AP2B1: variants seen among roughly 807,000 people sequenced by gnomAD.
AP2B1 encodes adaptor related protein complex 2 subunit beta 1, also known as AP-2 complex subunit beta.
Under a neutral mutation model 102.0 loss-of-function variants are expected in AP2B1, and 23 were observed. That is an observed-to-expected ratio of 0.23 (90% CI 0.16 to 0.32). AP2B1 has a LOEUF of 0.32. Ranked by LOEUF, AP2B1 falls within the 10% of genes least tolerant of loss-of-function variation. AP2B1 has a pLI of 1.00. For synonymous variants in AP2B1, 381 were observed against 421.2 expected, an observed-to-expected ratio of 0.90 and a Z score of 1.17; for missense variants, 541 against 1,157.4, an observed-to-expected ratio of 0.47 and a Z score of 7.73.
Position 35,699,672 on chromosome 17 carries a change from C to G in AP2B1, c.2455-9552C>G, listed in dbSNP as rs986982741. On this transcript the variant is annotated intron_variant, in intron 18 of 21. Transcript: ENST00000610402. ...CTTTCTGCTATGTTTTTAACTCTATCAGATACTGTCTAATATCATAAATAG... is the reference window on the plus strand; with the variant it reads ...CTTTCTGCTATGTTTTTAACTCTATGAGATACTGTCTAATATCATAAATAG... Among the ~76,000 whole-genome samples, 9 of 152,336 alleles carry G rather than the reference C, an allele frequency of 5.9e-5. No homozygotes were observed. The East Asian group carries it at 1.7e-3, about 29-fold the overall frequency.
intron 5 of AP2B1, among the ~76,000 whole-genome samples, chr17:35,616,495 T>TTTTAAA (rs1567818743): frequency 6.6e-6 from 1 of 152,142 alleles, no homozygotes; most frequent in Non-Finnish European, 1.5e-5. Context: ...AGAGGAACAA[T>TTTTAAA]TTTAAATTTA....
At chr17:35,607,993 G>A (rs1335923010) in intron 4 of AP2B1, 149 bp from the exon 5 acceptor site, 1 of 917,650 alleles carries the variant, frequency 1.1e-6, no homozygotes, top group African/African-American at 1.7e-5. Flanking sequence ...TTGTACTTAG[G>A]AAAGGAATAG....
intron 16 of AP2B1, among the ~76,000 whole-genome samples, 175 bp from the exon 17 acceptor site, chr17:35,674,001 A>G (rs1460699532): frequency 6.6e-6 from 1 of 152,226 alleles, no homozygotes; most frequent in African/African-American, 2.4e-5. Context: ...ATAAGACTCT[A>G]TCCGGAGTCT....
chr17:35,720,409 T>C (rs1598370374), intron 21 of AP2B1, among the ~76,000 whole-genome samples: 2 of 150,354 alleles, frequency 1.3e-5, no homozygotes, highest in South Asian at 4.2e-4. Flanking sequence ...CCAGAAGAAA[T>C]TGAAGAAAAC....
At chr17:35,604,108 T>TTTTTTA (rs1450958669) in intron 3 of AP2B1, among the ~76,000 whole-genome samples, 1 of 152,172 alleles carries the variant, frequency 6.6e-6, no homozygotes, top group Non-Finnish European at 1.5e-5. Context: ...ATTATTGTTA[T>TTTTTTA]TTTTTATTTT....
chr17:35,589,924 C>CTTTTTTT (rs71366465), intron 1 of AP2B1, among the ~76,000 whole-genome samples: 3 of 119,458 alleles, frequency 2.5e-5, no homozygotes, highest in African/African-American at 6.4e-5. Flanking sequence ...TCTGTAACTT[C>CTTTTTTT]TTTTTTTTTT....
intron 18 of AP2B1, among the ~76,000 whole-genome samples, chr17:35,699,971 G>T (rs192028839): frequency 6.6e-6 from 1 of 151,992 alleles, no homozygotes. Context: ...TGGCACATGC[G>T]TGTAGTTTCA....
intron 2 of AP2B1, among the ~76,000 whole-genome samples, chr17:35,596,463 C>T (rs1043754283): frequency 4.0e-5 from 6 of 151,684 alleles, no homozygotes; most frequent in African/African-American, 1.5e-4. Context: ...TAATTTCATC[C>T]TTTCCACATA....
intron 11 of AP2B1, 117 bp downstream of exon 11, chr17:35,639,877 T>C: frequency 1.1e-6 from 1 of 898,988 alleles, no homozygotes; most frequent in Non-Finnish European, 1.7e-6. Context: ...AGTATGTTCA[T>C]TTTTCTCCCA....
At chr17:35,635,115 G>A (rs185085247) in intron 9 of AP2B1, among the ~76,000 whole-genome samples, 6 of 152,296 alleles carry the variant, frequency 3.9e-5, no homozygotes, top group Non-Finnish European at 8.8e-5. Flanking sequence ...GCAGTGGCAC[G>A]ATCTCGGCTC....
At position 35,710,259 on chromosome 17, in the gene AP2B1, G is replaced by A; in HGVS notation, c.2565G>A (p.Trp855Ter). 6.2e-7 allele frequency: 1 copy of A among 1,613,764 alleles called. No homozygotes were observed. The highest frequency in any genetic ancestry group is 8.5e-7 in the Non-Finnish European group (1 of 1,179,718). Residue 855 changes from tryptophan to a stop codon, truncating the protein, a stop_gained, in exon 20 of 22, where the codon TGG (tryptophan) becomes TGA (stop). Transcript: ENST00000610402. LOFTEE classifies it high-confidence loss of function. ...AGCGCCAGGTCTTCCTTGCAACATGGAAGGATATTCCCAATGAAAATGAAC... is the reference window on the plus strand; with the variant it reads ...AGCGCCAGGTCTTCCTTGCAACATGAAAGGATATTCCCAATGAAAATGAAC... ...KMERQVFLATWKDIPNENELQ... is the reference protein window; with the variant it reads ...KMERQVFLAT
rs756316157 is a variant in AP2B1 at position 35,605,768 on chromosome 17, G to T, written c.207G>T (p.Val69=). Reference sequence around the variant, plus strand: ...ACAATCTGGAACTAAAGAAGCTTGTGTATCTCTACTTGATGAACTACGCCA... The same window carrying T: ...ACAATCTGGAACTAAAGAAGCTTGTTTATCTCTACTTGATGAACTACGCCA... ...QTDNLELKKL[V]YLYLMNYAKS... Residue 69 remains valine, a synonymous_variant, in exon 4 of 22, where the codon GTG becomes GTT. Transcript: ENST00000610402. 2 of 1,614,202 alleles carry T rather than the reference G, an allele frequency of 1.2e-6. No individual in the cohort carries two copies. Among genetic ancestry groups the T allele is most frequent in the Non-Finnish European group, 1.7e-6 (2 of 1,180,000 alleles).
intron 20 of AP2B1, among the ~76,000 whole-genome samples, chr17:35,712,510 C>T (rs937662466): frequency 6.6e-6 from 1 of 152,116 alleles, no homozygotes; most frequent in Non-Finnish European, 1.5e-5. Context: ...CACCTGTGGT[C>T]TCAGCTACTC....
intron 5 of AP2B1, among the ~76,000 whole-genome samples, chr17:35,616,966 A>T (rs1296988096): frequency 6.6e-6 from 1 of 152,190 alleles, no homozygotes; most frequent in Non-Finnish European, 1.5e-5. Context: ...CTATCGTAGG[A>T]TTGTTGTGAA....
At chr17:35,691,098 C>A (rs587630831) in intron 18 of AP2B1, among the ~76,000 whole-genome samples, 1 of 148,708 alleles carries the variant, frequency 6.7e-6, no homozygotes. Context: ...TTTTTTTTTT[C>A]TTTGAATATC....
At chr17:35,613,240 A>G (rs949253387) in intron 5 of AP2B1, among the ~76,000 whole-genome samples, 1 of 149,964 alleles carries the variant, frequency 6.7e-6, no homozygotes, top group African/African-American at 2.5e-5. Context: ...AGGGCATCCT[A>G]GATTTGAAAG....
At chr17:35,653,675 C>G (rs975050912) in intron 13 of AP2B1, among the ~76,000 whole-genome samples, 4 of 152,086 alleles carry the variant, frequency 2.6e-5, no homozygotes, top group African/African-American at 9.7e-5. Context: ...AGGGTTTCAC[C>G]ATGTTATCCA....
At chr17:35,701,801 G>A (rs1465279676) in intron 18 of AP2B1, among the ~76,000 whole-genome samples, 1 of 152,112 alleles carries the variant, frequency 6.6e-6, no homozygotes, top group East Asian at 1.9e-4. Flanking sequence ...TGTTTTGATA[G>A]AGACAAGGTC....
At chr17:35,700,588 C>G (rs2626625) in intron 18 of AP2B1, among the ~76,000 whole-genome samples, 132,372 of 152,100 alleles carry the variant, frequency 0.87, 58,011 homozygotes, top group African/African-American at 0.97. Context: ...GGTGAGAGGT[C>G]GGGTAAGAGG....
Sources: allele counts gnomAD v4.1 joint callset (sites outside exome capture counted in the v4.1 genomes callset), GRCh38; gene constraint gnomAD v4.1.1; transcripts MANE v1.5; gene names NCBI Gene and HGNC (gene_info 2026-07-23, HGNC 2026-07-21).